Variants in USP25 observed in about 807,000 individuals in gnomAD.
USP25 encodes ubiquitin specific peptidase 25, also known as ubiquitin carboxyl-terminal hydrolase 25.
In USP25, 85 loss-of-function variants were observed where a neutral mutation model predicts 158.5. The observed-to-expected ratio is 0.54, with a 90% CI of 0.45 to 0.64. The LOEUF is 0.64. Among genes scored for constraint, USP25 ranks in the 30% least tolerant of loss-of-function variants. The pLI, the probability that USP25 is intolerant of heterozygous loss-of-function variation, is 0.00. For synonymous variants in USP25, 464 were observed against 460.4 expected (o/e 1.01, Z -0.10); for missense variants, 1,242 against 1,327.3 (o/e 0.94, Z 1.00).
chr21:15,809,624 T>C (rs1237446390), intron 8 of USP25, among the ~76,000 whole-genome samples: 3 of 152,194 alleles, frequency 2.0e-5, no homozygotes, highest in Admixed American at 1.3e-4. Context: ...ATAATCACCA[T>C]ATGATCCAGC....
At chr21:15,772,945 T>G (rs2034440097) in intron 3 of USP25, among the ~76,000 whole-genome samples, 1 of 152,052 alleles carries the variant, frequency 6.6e-6, no homozygotes, top group Admixed American at 6.6e-5. Flanking sequence ...TAAAATACCC[T>G]GTGAAAAGAA....
At position 15,848,539 on chromosome 21, in the gene USP25, G is replaced by T. The variant is rs546956896; in HGVS notation, c.2451+763G>T. On this transcript the variant is annotated intron_variant, in intron 19 of 25. Transcript: ENST00000400183. ...GAACACAGAGGAGGCCGTAACTATT[G>T]GGTAGTGGGGGAGGGGGGTGATTTG... Among the ~76,000 whole-genome samples, 10 of 152,156 alleles carry T rather than the reference G, an allele frequency of 6.6e-5. No homozygotes were observed. In the South Asian group the frequency reaches 8.3e-4, roughly 13 times the overall value.
chr21:15,878,319 G>C lies in USP25; in HGVS notation c.3222G>C (p.Lys1074Asn). ...TATTTGCAGCACACCTCCAAGAAAA[G>C]CTGACAGATTTTTTGCCAAAACTGC... ...GQEMEPHLQE[K>N]LTDFLPKLLD... Residue 1074 changes from lysine (K) to asparagine (N), a missense_variant, in exon 26 of 26, where the codon AAG becomes AAC. Physicochemically the swap from Lys to Asn is moderately conservative, Grantham distance 94. Coordinates refer to ENST00000400183, the MANE Select transcript of USP25 (RefSeq NM_001283041.3). The C allele has an allele frequency of 1.2e-6, 2 of 1,611,588 alleles. No individual in the cohort carries two copies. The highest frequency in any genetic ancestry group is 1.7e-6 in the Non-Finnish European group (2 of 1,178,860).
At chr21:15,734,669 T>C (rs2031310448) in intron 1 of USP25, among the ~76,000 whole-genome samples, 1 of 152,194 alleles carries the variant, frequency 6.6e-6, no homozygotes, top group African/African-American at 2.4e-5. Context: ...TTTTTACCAC[T>C]TATTACTTTA....
chr21:15,767,127 C>T (rs2034084420), intron 3 of USP25, among the ~76,000 whole-genome samples: 1 of 152,016 alleles, frequency 6.6e-6, no homozygotes, highest in Admixed American at 6.6e-5. Flanking sequence ...CGTCTAAGTT[C>T]AAGGCAAGCT....
chr21:15,747,117 G>T (rs2032621332), intron 1 of USP25, among the ~76,000 whole-genome samples: 1 of 151,846 alleles, frequency 6.6e-6, no homozygotes, highest in Admixed American at 6.6e-5. Context: ...TGTTTCTCTT[G>T]CCTGTTTTTT....
At chr21:15,862,468 G>A (rs1000967740) in intron 20 of USP25, among the ~76,000 whole-genome samples, 7 of 151,790 alleles carry the variant, frequency 4.6e-5, no homozygotes, top group Non-Finnish European at 7.4e-5. Flanking sequence ...AATCATTATC[G>A]AAGGTTCATA....
chr21:15,769,252 C>T (rs1277992589), intron 3 of USP25, among the ~76,000 whole-genome samples: 1 of 151,886 alleles, frequency 6.6e-6, no homozygotes, highest in Admixed American at 6.6e-5. Flanking sequence ...CAATTATATG[C>T]CTTTTTGGTG....
intron 18 of USP25, among the ~76,000 whole-genome samples, chr21:15,844,576 T>A (rs556532321): frequency 6.6e-6 from 1 of 152,218 alleles, no homozygotes; most frequent in Admixed American, 6.5e-5. Context: ...TAAGAAAAAT[T>A]TCCTGGAAAG....
rs1568877905 is a variant in USP25 at position 15,842,497 on chromosome 21, C to T, written c.2294C>T (p.Ser765Leu). 2 of 1,613,728 alleles carry T rather than the reference C, an allele frequency of 1.2e-6. No individual in the cohort carries two copies. Among genetic ancestry groups the T allele is most frequent in the South Asian group, 1.1e-5 (1 of 91,076 alleles). ...EETIQIITKASHEHEDKSPET... is the reference protein window; with the variant it reads ...EETIQIITKALHEHEDKSPET... ...ACTATTCAAATAATTACCAAGGCAT[C>T]ACATGAGCATGAAGATAAAAGTCCT... Residue 765 changes from serine (S) to leucine (L), a missense_variant, in exon 18 of 26, where the codon TCA (serine) becomes TTA (leucine). Coordinates refer to ENST00000400183, the MANE Select transcript of USP25 (RefSeq NM_001283041.3).
At chr21:15,733,741 CTG>C (rs1447895623) in intron 1 of USP25, among the ~76,000 whole-genome samples, 1 of 152,176 alleles carries the variant, frequency 6.6e-6, no homozygotes, top group African/African-American at 2.4e-5. Flanking sequence ...ACTCAGGAGA[CTG>C]AGGCAGGAGA....
intron 17 of USP25, among the ~76,000 whole-genome samples, chr21:15,841,662 A>G (rs939953674): frequency 3.9e-5 from 6 of 152,134 alleles, no homozygotes; most frequent in African/African-American, 9.7e-5. Context: ...AATATTGTCA[A>G]AATTTATATA....
At chr21:15,787,769 T>C (rs2035361842) in intron 4 of USP25, among the ~76,000 whole-genome samples, 1 of 151,710 alleles carries the variant, frequency 6.6e-6, no homozygotes, top group African/African-American at 2.4e-5. Context: ...CAGCTTAAAG[T>C]GTATGCATGT....
intron 9 of USP25, 86 bp downstream of exon 9, chr21:15,811,296 G>GA: frequency 8.1e-7 from 1 of 1,228,046 alleles, no homozygotes; most frequent in Non-Finnish European, 1.2e-6. Context: ...TTTTTTAGTG[G>GA]ACTTTATTTT....
chr21:15,770,614 A>T (rs1361262171), intron 3 of USP25, among the ~76,000 whole-genome samples: 1 of 152,216 alleles, frequency 6.6e-6, no homozygotes, highest in East Asian at 1.9e-4. Context: ...TATTATTAAA[A>T]ACAGAACTAG....
chr21:15,857,391 T>C (rs988787232), intron 20 of USP25, among the ~76,000 whole-genome samples: 2 of 152,174 alleles, frequency 1.3e-5, no homozygotes, highest in Non-Finnish European at 2.9e-5. Flanking sequence ...TTTTAAATAC[T>C]AGTATTATCA....
intron 14 of USP25, among the ~76,000 whole-genome samples, chr21:15,829,107 A>G (rs946543000): frequency 6.6e-6 from 1 of 152,136 alleles, no homozygotes; most frequent in East Asian, 1.9e-4. Context: ...CCATATTGAT[A>G]TTTCCTAAAT....
intron 1 of USP25, among the ~76,000 whole-genome samples, chr21:15,731,744 A>G (rs1368199531): frequency 1.3e-5 from 2 of 152,238 alleles, no homozygotes; most frequent in African/African-American, 4.8e-5. Context: ...AAATAATTCA[A>G]GATTTAATAA....
rs1368144894 is a variant in USP25 at position 15,818,639 on chromosome 21, C to CT, written c.932-57dup. The CT allele has an allele frequency of 4.1e-6, 6 of 1,470,734 alleles. No individual in the cohort carries two copies. In the East Asian group the frequency reaches 1.1e-4, roughly 28 times the overall value. 91.1% of individuals were successfully genotyped at this position (1,470,734 alleles called of 1,614,324 possible). A position where few individuals can be genotyped will look rare whatever the true frequency, so the allele number is the denominator to read the frequency against. On this transcript the variant is annotated intron_variant, in intron 9 of 25. Transcript: ENST00000400183. The stretch of plus-strand genomic sequence containing the variant: ...GTTCAGGTGAGAATCCTTACGTACT[C>CT]TTAATTTTAGTAGCCAGAAGGCCAT...
Sources: allele counts gnomAD v4.1 joint callset (sites outside exome capture counted in the v4.1 genomes callset), GRCh38; gene constraint gnomAD v4.1.1; transcripts MANE v1.5; gene names NCBI Gene and HGNC (gene_info 2026-07-23, HGNC 2026-07-21).